The following EFNA5 variants were observed in gnomAD, a reference collection of about 807,000 sequenced individuals.
EFNA5 encodes ephrin A5.
Under a neutral mutation model 22.9 loss-of-function variants are expected in EFNA5, and 5 were observed. That is an observed-to-expected ratio of 0.22 (90% CI 0.11 to 0.46). The LOEUF is 0.46. Among genes scored for constraint, EFNA5 ranks in the 20% least tolerant of loss-of-function variants. The pLI is 0.99. For missense variants in EFNA5, 237 were observed against 293.3 expected, an observed-to-expected ratio of 0.81 and a Z score of 1.40; for synonymous variants, 113 against 112.2, an observed-to-expected ratio of 1.01 and a Z score of -0.04.
chr5:107,470,539 C>T (rs1226629294), intron 1 of EFNA5, among the ~76,000 whole-genome samples: 2 of 152,192 alleles, frequency 1.3e-5, no homozygotes, highest in African/African-American at 2.4e-5. Flanking sequence ...AACAGAGAAG[C>T]TGATAGAATC....
intron 1 of EFNA5, among the ~76,000 whole-genome samples, chr5:107,520,956 C>T (rs1318538195): frequency 1.3e-5 from 2 of 152,158 alleles, no homozygotes; most frequent in Non-Finnish European, 2.9e-5. Context: ...TTCCAAGCTT[C>T]CATTCTCTTA....
chr5:107,554,085 T>A (rs1748356803), intron 1 of EFNA5, among the ~76,000 whole-genome samples: 1 of 152,232 alleles, frequency 6.6e-6, no homozygotes, highest in South Asian at 2.1e-4. Flanking sequence ...AAAAATTCTA[T>A]ATGCAGAGTA....
intron 1 of EFNA5, among the ~76,000 whole-genome samples, chr5:107,500,791 G>C (rs1747114718): frequency 6.6e-6 from 1 of 151,714 alleles, no homozygotes; most frequent in Non-Finnish European, 1.5e-5. Flanking sequence ...TATAACAAAG[G>C]TCTTTAAGGG....
At chr5:107,427,613 T>C (rs1354914794) in intron 1 of EFNA5, 104 bp from the exon 2 acceptor site, 1 of 1,052,884 alleles carries the variant, frequency 9.5e-7, no homozygotes, top group Non-Finnish European at 1.3e-6. Flanking sequence ...AAGCATCTAG[T>C]ATAGTAAGTT....
intron 1 of EFNA5, among the ~76,000 whole-genome samples, chr5:107,495,712 A>G (rs1270888800): frequency 6.6e-6 from 1 of 152,194 alleles, no homozygotes; most frequent in Non-Finnish European, 1.5e-5. Context: ...CCACCAAAAA[A>G]GGAGGAAAAA....
rs532445914 is a variant in EFNA5 at position 107,649,683 on chromosome 5, G to A, written c.125+20806C>T. Reference sequence around the variant, plus strand: ...TAAAGTTAGACTATGCTCTCTCTTTGACATATCTCTGTATAATTATATGGT... The same window carrying A: ...TAAAGTTAGACTATGCTCTCTCTTTAACATATCTCTGTATAATTATATGGT... On this transcript the variant is annotated intron_variant, in intron 1 of 4. Transcript: ENST00000333274. Among the ~76,000 whole-genome samples the A allele has an allele frequency of 3.0e-4, 45 of 152,162 alleles. 1 individual carries two copies. In the South Asian group the frequency reaches 9.3e-3, roughly 32 times the overall value.
At chr5:107,537,650 G>A (rs1580518839) in intron 1 of EFNA5, among the ~76,000 whole-genome samples, 1 of 152,226 alleles carries the variant, frequency 6.6e-6, no homozygotes, top group South Asian at 2.1e-4. Context: ...TTAATCTTCA[G>A]GATGATTCCA....
chr5:107,651,172 C>T (rs1337782290), intron 1 of EFNA5, among the ~76,000 whole-genome samples: 3 of 152,104 alleles, frequency 2.0e-5, no homozygotes, highest in African/African-American at 7.2e-5. Context: ...GTGGTAAGGG[C>T]CATTTACTGG....
chr5:107,628,513 G>A (rs1561453742), intron 1 of EFNA5, among the ~76,000 whole-genome samples: 2 of 152,088 alleles, frequency 1.3e-5, no homozygotes, highest in East Asian at 1.9e-4. Flanking sequence ...ATAGAACATT[G>A]GAAGTGGGTT....
At chr5:107,529,275 T>C (rs914192235) in intron 1 of EFNA5, among the ~76,000 whole-genome samples, 3 of 152,186 alleles carry the variant, frequency 2.0e-5, no homozygotes, top group African/African-American at 7.2e-5. Context: ...TCCAGTGTAC[T>C]CTGTTCACAG....
intron 1 of EFNA5, among the ~76,000 whole-genome samples, chr5:107,569,383 T>TTTTATGTATATGTGTGTATATATATATA (rs1748727729): frequency 2.2e-4 from 30 of 137,932 alleles, no homozygotes; most frequent in African/African-American, 8.3e-4. Context: ...ATATATATAT[T>TTTTATGTATATGTGTGTATATATATATA]TTTATGTATA....
intron 1 of EFNA5, among the ~76,000 whole-genome samples, chr5:107,487,581 T>C (rs1030358684): frequency 6.6e-6 from 1 of 152,216 alleles, no homozygotes; most frequent in African/African-American, 2.4e-5. Context: ...AAAATGTAAA[T>C]GTAAGCAGCC....
At chr5:107,427,055 C>T (rs760483780) in intron 2 of EFNA5, 162 bp downstream of exon 2, 1 of 747,806 alleles carries the variant, frequency 1.3e-6, no homozygotes, top group South Asian at 1.8e-5. Flanking sequence ...AATTTGTGCT[C>T]TCAATTCCCA....
chr5:107,479,653 C>G (rs1750405576), intron 1 of EFNA5, among the ~76,000 whole-genome samples: 1 of 152,126 alleles, frequency 6.6e-6, no homozygotes, highest in African/African-American at 2.4e-5. Context: ...CCACTGAATA[C>G]ACAACTCCCT....
intron 1 of EFNA5, among the ~76,000 whole-genome samples, chr5:107,504,526 G>A (rs1747211976): frequency 6.6e-6 from 1 of 152,150 alleles, no homozygotes; most frequent in South Asian, 2.1e-4. Context: ...CAAATAATAT[G>A]CATGCTTATA....
intron 1 of EFNA5, among the ~76,000 whole-genome samples, chr5:107,527,173 T>C (rs1412231791): frequency 6.6e-6 from 1 of 152,266 alleles, no homozygotes. Context: ...GTTCTTGTTT[T>C]GTTTCATGTA....
At chr5:107,523,455 G>A (rs1747635609) in intron 1 of EFNA5, among the ~76,000 whole-genome samples, 1 of 152,156 alleles carries the variant, frequency 6.6e-6, no homozygotes, top group Non-Finnish European at 1.5e-5. Flanking sequence ...CACCCAAAAG[G>A]CTACATCAGA....
chr5:107,619,754 G>A (rs988165058), intron 1 of EFNA5, among the ~76,000 whole-genome samples: 1 of 152,124 alleles, frequency 6.6e-6, no homozygotes, highest in Non-Finnish European at 1.5e-5. Flanking sequence ...GAGCCACCAC[G>A]CCTAGCCTAT....
chr5:107,584,810 C>T (rs185326673), intron 1 of EFNA5, among the ~76,000 whole-genome samples: 42 of 152,282 alleles, frequency 2.8e-4, no homozygotes, highest in Non-Finnish European at 5.3e-4. Context: ...ATGAACCCAG[C>T]TGCTGCTAAA....
Sources: gnomAD v4.1 joint callset for allele counts (sites outside exome capture counted in the v4.1 genomes callset) on GRCh38, gnomAD v4.1.1 for gene constraint, MANE v1.5 for transcripts, NCBI Gene and HGNC (gene_info 2026-07-23, HGNC 2026-07-21) for gene names.